Variants in BACH2 observed in about 807,000 individuals in gnomAD.
The protein encoded by BACH2 is BACH transcriptional regulator 2, also known as transcription regulator protein BACH2.
In BACH2, 5 loss-of-function variants were observed where a neutral mutation model predicts 61.8. The observed-to-expected ratio is 0.08, with a 90% CI of 0.04 to 0.17. The LOEUF is 0.17. Among genes scored for constraint, BACH2 ranks in the 10% least tolerant of loss-of-function variants. The probability of loss-of-function intolerance (pLI) is 1.00; values close to 1 mark genes in which losing one functional copy is unlikely to be tolerated. For missense variants in BACH2, 824 were observed against 1,091.1 expected, an observed-to-expected ratio of 0.76 and a Z score of 3.45; for synonymous variants, 446 against 440.1, an observed-to-expected ratio of 1.01 and a Z score of -0.17.
intron 6 of BACH2, among the ~76,000 whole-genome samples, chr6:89,988,610 A>G (rs541174132): frequency 5.9e-5 from 9 of 152,330 alleles, no homozygotes; most frequent in African/African-American, 1.7e-4. Context: ...AGATCTGACT[A>G]CAAGTAGAAG....
At chr6:90,101,271 T>A (rs1012324994) in intron 4 of BACH2, among the ~76,000 whole-genome samples, 1 of 152,232 alleles carries the variant, frequency 6.6e-6, no homozygotes, top group African/African-American at 2.4e-5. Context: ...ATTTTTCTTT[T>A]GTCTTTTGTA....
At chr6:90,087,391 A>G (rs911533691) in intron 5 of BACH2, among the ~76,000 whole-genome samples, 3 of 152,212 alleles carry the variant, frequency 2.0e-5, no homozygotes, top group Admixed American at 6.5e-5. Context: ...CATCGACTCA[A>G]TGAAACAAAA....
intron 4 of BACH2, among the ~76,000 whole-genome samples, chr6:90,176,015 G>C (rs922087407): frequency 6.6e-6 from 1 of 152,096 alleles, no homozygotes; most frequent in Admixed American, 6.5e-5. Flanking sequence ...CTCCAATAAA[G>C]GCTGTGGCTG....
At position 90,282,363 on chromosome 6, in the gene BACH2, G is replaced by A. The variant is rs190145003; in HGVS notation, c.-445-10422C>T. Among the ~76,000 whole-genome samples the A allele has an allele frequency of 8.2e-4, 125 of 152,070 alleles. No individual in the cohort carries two copies. The East Asian group carries it at 0.016, about 20-fold the overall frequency. ...GTTGTTCCCCTCTATATGTCCATGC[G>A]TTTTCATCATTTAGCTCCCACTTAT... is the stretch of plus-strand genomic sequence containing the variant. On this transcript the variant is annotated intron_variant, in intron 1 of 8. Transcript: ENST00000257749.
At chr6:90,114,674 G>C (rs544550928) in intron 4 of BACH2, among the ~76,000 whole-genome samples, 1 of 152,072 alleles carries the variant, frequency 6.6e-6, no homozygotes, top group Admixed American at 6.6e-5. Context: ...AGCTCAATCA[G>C]GCAAGAGAAA....
At chr6:90,279,385 C>T (rs376067838) in intron 1 of BACH2, among the ~76,000 whole-genome samples, 7 of 151,864 alleles carry the variant, frequency 4.6e-5, no homozygotes, top group African/African-American at 1.2e-4. Context: ...TAGCTGGGCA[C>T]GGCAGCACAT....
intron 5 of BACH2, among the ~76,000 whole-genome samples, chr6:90,072,420 C>CCA (rs1357281030): frequency 6.6e-6 from 1 of 152,160 alleles, no homozygotes; most frequent in African/African-American, 2.4e-5. Context: ...TTCAATGCCT[C>CCA]CAGCCAGCAG....
Position 89,950,068 on chromosome 6 carries a change from T to C in BACH2, c.1836+202A>G. Reference sequence around the variant, plus strand: ...CGAGTATTGAGATCCAGATCAAATATCAAGTGCTTTTCTAGGACAGAAGTG... The same window carrying C: ...CGAGTATTGAGATCCAGATCAAATACCAAGTGCTTTTCTAGGACAGAAGTG... On this transcript the variant is annotated intron_variant, in intron 7 of 8. Transcript: ENST00000257749. The surrounding 1 kb of genome is among the most constrained non-coding windows in gnomAD (Gnocchi z 5.3). 1 of 636,716 alleles carries C rather than the reference T, an allele frequency of 1.6e-6. No individual in the cohort carries two copies. The allele number at this position is 636,716 out of a possible 1,614,324, so 39.4% of individuals were successfully genotyped here.
chr6:90,222,860 C>T (rs1010287648), intron 3 of BACH2, among the ~76,000 whole-genome samples: 2 of 152,064 alleles, frequency 1.3e-5, no homozygotes, highest in South Asian at 4.2e-4. Flanking sequence ...CATCCTTAGT[C>T]ACCTGCACTG....
At chr6:89,949,384 C>T (rs769713731) in intron 7 of BACH2, among the ~76,000 whole-genome samples, 2 of 152,146 alleles carry the variant, frequency 1.3e-5, no homozygotes, top group African/African-American at 2.4e-5. Context: ...CGCCAGGTCA[C>T]GACACAGACT....
intron 1 of BACH2, among the ~76,000 whole-genome samples, chr6:90,287,023 T>C (rs984167473): frequency 6.6e-6 from 1 of 152,114 alleles, no homozygotes; most frequent in South Asian, 2.1e-4. Context: ...GGACTCTTCA[T>C]CATACCCAGC....
chr6:90,289,123 T>TA (rs1033971972), intron 1 of BACH2, among the ~76,000 whole-genome samples: 1 of 152,230 alleles, frequency 6.6e-6, no homozygotes, highest in African/African-American at 2.4e-5. Flanking sequence ...TTTTTAACTT[T>TA]AAGATAGATG....
chr6:90,295,549 C>T (rs1772319442), intron 1 of BACH2, among the ~76,000 whole-genome samples: 1 of 152,170 alleles, frequency 6.6e-6, no homozygotes, highest in Admixed American at 6.5e-5. Flanking sequence ...GAGCGAAGCA[C>T]AGCGGGGCCA....
At chr6:90,270,301 A>G (rs759037120) in intron 2 of BACH2, among the ~76,000 whole-genome samples, 23 of 152,172 alleles carry the variant, frequency 1.5e-4, no homozygotes, top group Non-Finnish European at 3.1e-4. Flanking sequence ...AGGAATCTCC[A>G]CACTGTTTTC....
intron 5 of BACH2, among the ~76,000 whole-genome samples, chr6:90,055,112 A>G (rs1211481810): frequency 6.6e-6 from 1 of 152,236 alleles, no homozygotes; most frequent in Non-Finnish European, 1.5e-5. Flanking sequence ...AATGGAACAA[A>G]GCTGGATGGA....
At chr6:90,126,992 G>C (rs1783876626) in intron 4 of BACH2, among the ~76,000 whole-genome samples, 1 of 152,138 alleles carries the variant, frequency 6.6e-6, no homozygotes, top group Non-Finnish European at 1.5e-5. Flanking sequence ...TTTAAAGGGG[G>C]GATGGCAAGC....
chr6:90,143,470 A>G (rs989613560), intron 4 of BACH2, among the ~76,000 whole-genome samples: 2 of 152,134 alleles, frequency 1.3e-5, no homozygotes, highest in Non-Finnish European at 2.9e-5. Flanking sequence ...CCACTCCACA[A>G]GGTTACCTGA....
chr6:90,198,907 T>C (rs573463694), intron 4 of BACH2, among the ~76,000 whole-genome samples: 58 of 152,180 alleles, frequency 3.8e-4, no homozygotes, highest in Non-Finnish European at 5.9e-4. Context: ...GGGGTGGGTC[T>C]TTCCCATGCT....
At chr6:90,121,154 A>T (rs1012130566) in intron 4 of BACH2, among the ~76,000 whole-genome samples, 11 of 152,246 alleles carry the variant, frequency 7.2e-5, no homozygotes, top group African/African-American at 2.4e-4. Context: ...TGAAGTTCCA[A>T]TCAGCAGACC....
Sources: gnomAD v4.1 joint callset for allele counts (sites outside exome capture counted in the v4.1 genomes callset) on GRCh38, gnomAD v4.1.1 for gene constraint, Gnocchi (gnomAD v3.1) non-coding constraint, MANE v1.5 for transcripts, NCBI Gene and HGNC (gene_info 2026-07-23, HGNC 2026-07-21) for gene names.